The following PGBD2 variants were observed in gnomAD, a reference collection of about 807,000 sequenced individuals.
PGBD2 encodes piggyBac transposable element-derived protein 2.
Under a neutral mutation model 8.1 loss-of-function variants are expected in PGBD2, and 6 were observed. That is an observed-to-expected ratio of 0.74 (90% CI 0.40 to 1.46). The LOEUF (loss-of-function observed/expected upper bound fraction) is 1.46. Among genes scored for constraint, PGBD2 ranks in the 40% most tolerant of loss-of-function variants. The pLI, the probability that PGBD2 is intolerant of heterozygous loss-of-function variation, is 0.02. For missense variants in PGBD2, 802 were observed against 739.0 expected, an observed-to-expected ratio of 1.09 and a Z score of -0.99; for synonymous variants, 318 against 272.2, an observed-to-expected ratio of 1.17 and a Z score of -1.66.
the PGBD2 span, among the ~76,000 whole-genome samples, chr1:248,926,947 G>A: frequency 6.6e-6 from 1 of 152,124 alleles, no homozygotes; most frequent in African/African-American, 2.4e-5. Flanking sequence ...CCACAACCCC[G>A]AGCATACTGG....
chr1:248,912,230 C>T (rs1661918514), intron 1 of PGBD2, among the ~76,000 whole-genome samples: 2 of 152,164 alleles, frequency 1.3e-5, no homozygotes, highest in African/African-American at 4.8e-5. Flanking sequence ...TTCCTGACTT[C>T]TGTTTGCATT....
rs1662216741 is a variant in PGBD2 at position 248,918,876 on chromosome 1, T to C, written c.*513T>C. The C allele has an allele frequency of 6.0e-6, 1 of 167,068 alleles. No homozygotes were observed. Among genetic ancestry groups the C allele is most frequent in the Non-Finnish European group, 1.5e-5 (1 of 68,118 alleles). 10.3% of individuals were successfully genotyped at this position (167,068 alleles called of 1,614,324 possible). On this transcript the variant is annotated 3_prime_UTR_variant, in exon 3 of 3. Coordinates refer to ENST00000329291, the MANE Select transcript of PGBD2 (RefSeq NM_170725.3). Reference sequence around the variant, plus strand: ...GAGGGCTAGAGGTGCAGATTTCATATTTTCTTAATGAAAATATTTTCCTAA... The same window carrying C: ...GAGGGCTAGAGGTGCAGATTTCATACTTTCTTAATGAAAATATTTTCCTAA...
the PGBD2 span, among the ~76,000 whole-genome samples, chr1:248,874,718 T>C: frequency 6.6e-6 from 1 of 152,186 alleles, no homozygotes. Flanking sequence ...ATTGTCGCTA[T>C]GGAAAGAGAT....
chr1:248,897,672 G>A, the PGBD2 span, among the ~76,000 whole-genome samples: 1 of 152,174 alleles, frequency 6.6e-6, no homozygotes, highest in Non-Finnish European at 1.5e-5. Context: ...ATTCCTGTGA[G>A]GCAGGAGATC....
chr1:248,902,941 C>A (rs1227918388), upstream of PGBD2, among the ~76,000 whole-genome samples: 1 of 151,046 alleles, frequency 6.6e-6, no homozygotes, highest in Non-Finnish European at 1.5e-5. Context: ...TTGATCTGTG[C>A]AGCAAAATCA....
chr1:248,884,123 A>G, the PGBD2 span, among the ~76,000 whole-genome samples: 1 of 152,156 alleles, frequency 6.6e-6, no homozygotes, highest in African/African-American at 2.4e-5. Flanking sequence ...TAGAGTCCTA[A>G]TTTTGTAAAA....
chr1:248,892,375 G>A, the PGBD2 span, among the ~76,000 whole-genome samples: 1 of 150,600 alleles, frequency 6.6e-6, no homozygotes, highest in Non-Finnish European at 1.5e-5. Context: ...CTACCCTGAC[G>A]ATGTAACGGT....
the PGBD2 span, among the ~76,000 whole-genome samples, chr1:248,926,975 G>A: frequency 6.6e-6 from 1 of 152,178 alleles, no homozygotes; most frequent in Non-Finnish European, 1.5e-5. Flanking sequence ...TCTCAGCCTC[G>A]TGGTTAGTGG....
At chr1:248,911,032 C>T (rs190805137) in intron 1 of PGBD2, among the ~76,000 whole-genome samples, 5 of 152,190 alleles carry the variant, frequency 3.3e-5, no homozygotes, top group Non-Finnish European at 7.4e-5. Context: ...CCTCCCAGCC[C>T]TATTTGCCCC....
chr1:248,925,483 T>C, the PGBD2 span, among the ~76,000 whole-genome samples: 1 of 152,146 alleles, frequency 6.6e-6, no homozygotes, highest in Non-Finnish European at 1.5e-5. Flanking sequence ...CCGGTGGCTT[T>C]TCAGAAGATG....
At chr1:248,891,941 T>C in the PGBD2 span, among the ~76,000 whole-genome samples, 1 of 152,264 alleles carries the variant, frequency 6.6e-6, no homozygotes, top group Non-Finnish European at 1.5e-5. Flanking sequence ...AAGCTCTTTA[T>C]GAAGTCTTTG....
chr1:248,902,247 C>T (rs1181209195), upstream of PGBD2, among the ~76,000 whole-genome samples: 2 of 144,454 alleles, frequency 1.4e-5, no homozygotes, highest in Non-Finnish European at 3.0e-5. Flanking sequence ...CCAGCCTGGA[C>T]AACAGAGCAA....
chr1:248,905,473 G>A (rs556049113), upstream of PGBD2, among the ~76,000 whole-genome samples: 17 of 151,838 alleles, frequency 1.1e-4, no homozygotes, highest in South Asian at 3.5e-3. Flanking sequence ...ACTTTTATTT[G>A]TCATAACTAG....
At chr1:248,907,457 A>G (rs1487355680) in intron 1 of PGBD2, among the ~76,000 whole-genome samples, 1 of 152,212 alleles carries the variant, frequency 6.6e-6, no homozygotes, top group Non-Finnish European at 1.5e-5. Context: ...TTCCTCTTTT[A>G]CTAATCCACC....
At position 248,916,760 on chromosome 1, in the gene PGBD2, C is replaced by T. The variant is rs775771671; in HGVS notation, c.176C>T (p.Ser59Leu). The change falls in exon 3 of 3, where the codon TCA becomes TTA. Residue 59 changes from serine (S) to leucine (L), a missense_variant. Physicochemically the swap from Ser to Leu is moderately radical, Grantham distance 145 (BLOSUM62 -2). Coordinates refer to ENST00000329291, the MANE Select transcript of PGBD2 (RefSeq NM_170725.3). ...GCGGGGGAATTCACTGATGAGGACT[C>T]AGGGGATGAAGACAGCCAGCGAGGT... Reference protein sequence around the residue: ...NAAGEFTDEDSGDEDSQRGAH... With the variant: ...NAAGEFTDEDLGDEDSQRGAH... 1.2e-6 allele frequency: 2 copies of T among 1,614,010 alleles called. No individual in the cohort carries two copies. The highest frequency in any genetic ancestry group is 1.7e-6 in the Non-Finnish European group (2 of 1,180,020).
chr1:248,899,384 A>T, the PGBD2 span, among the ~76,000 whole-genome samples: 2 of 152,166 alleles, frequency 1.3e-5, no homozygotes, highest in African/African-American at 4.8e-5. Context: ...CAAAAAACTG[A>T]AATCATAACA....
At chr1:248,907,236 C>T (rs1661683149) in intron 1 of PGBD2, among the ~76,000 whole-genome samples, 1 of 152,196 alleles carries the variant, frequency 6.6e-6, no homozygotes, top group Admixed American at 6.5e-5. Context: ...GCACGTAGGC[C>T]ACATTTATGT....
chr1:248,874,278 G>C, the PGBD2 span, among the ~76,000 whole-genome samples: 2 of 152,244 alleles, frequency 1.3e-5, no homozygotes, highest in Middle Eastern at 3.4e-3. Flanking sequence ...AGGATTCGGC[G>C]CTCTCACCGC....
the PGBD2 span, among the ~76,000 whole-genome samples, chr1:248,875,577 T>G: frequency 2.6e-5 from 4 of 152,190 alleles, no homozygotes; most frequent in African/African-American, 9.7e-5. Context: ...TTTTAATAAT[T>G]AAAAACTCCT....
Sources: gnomAD v4.1 joint callset for allele counts (sites outside exome capture counted in the v4.1 genomes callset) on GRCh38, gnomAD v4.1.1 for gene constraint, MANE v1.5 for transcripts, NCBI Gene and HGNC (gene_info 2026-07-23, HGNC 2026-07-21) for gene names.